Variants in PTK7 observed in about 807,000 individuals in gnomAD.
The protein encoded by PTK7 is inactive tyrosine-protein kinase 7.
PTK7 carries 39 observed loss-of-function variants against 116.6 expected under a neutral mutation model. The observed-to-expected ratio is 0.33, with a 90% CI of 0.26 to 0.44. PTK7 has a LOEUF of 0.44. PTK7 is among the 20% of genes least tolerant of loss of function. The pLI is 1.00. For missense variants in PTK7, 1,169 were observed against 1,425.6 expected, an observed-to-expected ratio of 0.82 and a Z score of 2.90; for synonymous variants, 546 against 563.6, an observed-to-expected ratio of 0.97 and a Z score of 0.44.
At chr6:43,086,562 G>T (rs920464667) in intron 1 of PTK7, among the ~76,000 whole-genome samples, 1 of 152,176 alleles carries the variant, frequency 6.6e-6, no homozygotes, top group Non-Finnish European at 1.5e-5. Context: ...AGTCGTGGGC[G>T]CAGTGGCTTA....
chr6:43,135,803 G>T (rs1429427166), intron 7 of PTK7, among the ~76,000 whole-genome samples: 1 of 152,230 alleles, frequency 6.6e-6, no homozygotes, highest in East Asian at 1.9e-4. Flanking sequence ...TCAAAACGTG[G>T]TGGCACTTTG....
chr6:43,119,902 C>T (rs999975451), intron 1 of PTK7, among the ~76,000 whole-genome samples: 2 of 152,176 alleles, frequency 1.3e-5, no homozygotes, highest in Non-Finnish European at 2.9e-5. Flanking sequence ...TCCAGGTCCT[C>T]CTTCCTGCAT....
intron 1 of PTK7, among the ~76,000 whole-genome samples, chr6:43,124,971 G>A (rs932856650): frequency 1.3e-5 from 2 of 152,136 alleles, no homozygotes; most frequent in African/African-American, 2.4e-5. Context: ...TTGGGAGTTC[G>A]AGACCAGCCT....
Position 43,145,628 on chromosome 6 carries a change from C to T in PTK7, c.2640+196C>T, listed in dbSNP as rs1770684778. ...TCCCTGCTCTTGGATGCCTGCTTTC[C>T]CTTTATCAGCACCCAGTCTTTCCAT... On this transcript the variant is annotated intron_variant, in intron 16 of 19. Transcript: ENST00000230419. This position sits in a 1 kb window ranked among gnomAD's most constrained non-coding sequence, Gnocchi z 4.8. 7.4e-6 allele frequency: 3 copies of T among 404,836 alleles called. No homozygotes were observed. The highest frequency in any genetic ancestry group is 3.7e-5 in the East Asian group (1 of 27,282). The allele number at this position is 404,836 out of a possible 1,614,324, so 25.1% of individuals were successfully genotyped here.
At chr6:43,117,806 G>A (rs1768647052) in intron 1 of PTK7, among the ~76,000 whole-genome samples, 1 of 151,922 alleles carries the variant, frequency 6.6e-6, no homozygotes, top group Non-Finnish European at 1.5e-5. Context: ...CATGGTGACG[G>A]GTGCCTGTAA....
At chr6:43,156,765 G>A (rs1727276756) in intron 17 of PTK7, among the ~76,000 whole-genome samples, 1 of 151,844 alleles carries the variant, frequency 6.6e-6, no homozygotes, top group Non-Finnish European at 1.5e-5. Flanking sequence ...GCGTGGTAGT[G>A]CGCGCCTGTA....
intron 7 of PTK7, 30 bp downstream of exon 7, chr6:43,132,717 G>A: frequency 6.4e-7 from 1 of 1,552,538 alleles, no homozygotes; most frequent in Non-Finnish European, 8.7e-7. Flanking sequence ...AGGTCAAGGA[G>A]AGGTGGAGGG....
At chr6:43,157,358 ATATATATTTTTTTTTTTCTTTTTTTT>A (rs1771537435) in intron 17 of PTK7, among the ~76,000 whole-genome samples, 1 of 3,752 alleles carries the variant, frequency 2.7e-4, no homozygotes, top group African/African-American at 6.8e-4. Flanking sequence ...ATATATATAT[ATATATATTTTTTTTTTTCTTTTTTTT>A]TTTTTTTTTT....
rs1275076245 is a variant in PTK7 at position 43,076,859 on chromosome 6, G to T, written c.79+292G>T. On this transcript the variant is annotated intron_variant, in intron 1 of 19. Coordinates refer to ENST00000230419, the MANE Select transcript of PTK7 (RefSeq NM_002821.5). The surrounding 1 kb of genome is among the most constrained non-coding windows in gnomAD (Gnocchi z 5.7). Reference sequence around the variant, plus strand: ...GCCGAGAGTTTGCTCGAGAACTGCCGAGAGTTGCTGGCTCTCGGGCCCAGA... The same window carrying T: ...GCCGAGAGTTTGCTCGAGAACTGCCTAGAGTTGCTGGCTCTCGGGCCCAGA... 1 of 1,470,440 alleles carries T rather than the reference G, an allele frequency of 6.8e-7. No homozygotes were observed. The highest frequency in any genetic ancestry group is 1.3e-5 in the South Asian group (1 of 78,674). 91.1% of individuals were successfully genotyped at this position (1,470,440 alleles called of 1,614,324 possible).
At chr6:43,107,397 T>C (rs1767956343) in intron 1 of PTK7, among the ~76,000 whole-genome samples, 1 of 152,256 alleles carries the variant, frequency 6.6e-6, no homozygotes, top group South Asian at 2.1e-4. Context: ...AGCTGTGTGA[T>C]GTTTAGCAAA....
chr6:43,122,595 G>A (rs1179064050), intron 1 of PTK7, among the ~76,000 whole-genome samples: 1 of 150,306 alleles, frequency 6.7e-6, no homozygotes, highest in Non-Finnish European at 1.5e-5. Flanking sequence ...CCGTGGAGCC[G>A]GGGACTGAAT....
At chr6:43,081,870 C>T (rs1056412417) in intron 1 of PTK7, among the ~76,000 whole-genome samples, 3 of 152,156 alleles carry the variant, frequency 2.0e-5, no homozygotes, top group East Asian at 1.9e-4. Context: ...TTCCTCCTTG[C>T]GCCTGCTCTA....
chr6:43,089,150 A>G (rs539846858), intron 1 of PTK7, among the ~76,000 whole-genome samples: 7 of 152,190 alleles, frequency 4.6e-5, no homozygotes, highest in Non-Finnish European at 1.0e-4. Flanking sequence ...AGGTTGGATC[A>G]TGACCTTGAC....
intron 7 of PTK7, among the ~76,000 whole-genome samples, chr6:43,137,849 C>T (rs1475695935): frequency 1.3e-5 from 2 of 152,102 alleles, no homozygotes; most frequent in East Asian, 1.9e-4. Context: ...CTCTTTCGCC[C>T]AGGCTGGAGT....
rs187424383 is a variant in PTK7, at chr6:43,160,582, C to G, written c.3053-139C>G. 8 of 1,071,030 alleles carry G rather than the reference C, an allele frequency of 7.5e-6. No individual in the cohort carries two copies. In the African/African-American group the frequency reaches 8.0e-5, roughly 11 times the overall value. The allele number at this position is 1,071,030 out of a possible 1,614,324, so 66.3% of individuals were successfully genotyped here. Reference sequence around the variant, plus strand: ...CCAGGGGAGTCATCTTTTTCCGTTGCGGGTACCCACCTGCCGCTGGCCAGC... The same window carrying G: ...CCAGGGGAGTCATCTTTTTCCGTTGGGGGTACCCACCTGCCGCTGGCCAGC... On this transcript the variant is annotated intron_variant, in intron 19 of 19. Transcript: ENST00000230419.
intron 1 of PTK7, among the ~76,000 whole-genome samples, chr6:43,090,089 C>T (rs1037019258): frequency 2.6e-5 from 4 of 152,182 alleles, no homozygotes; most frequent in Non-Finnish European, 4.4e-5. Flanking sequence ...CAATTTTAGG[C>T]GAGTCTCTAC....
At chr6:43,144,758 C>T (rs941463332) in intron 15 of PTK7, 152 bp downstream of exon 15, 7 of 940,098 alleles carry the variant, frequency 7.4e-6, no homozygotes, top group Non-Finnish European at 1.1e-5. Context: ...AGTGTGGCCC[C>T]AGAGCCTGTT....
At chr6:43,114,192 G>A (rs539197499) in intron 1 of PTK7, among the ~76,000 whole-genome samples, 83 of 152,314 alleles carry the variant, frequency 5.4e-4, no homozygotes, top group African/African-American at 1.8e-3. Context: ...CGTGTGTCAC[G>A]TGTGCGTGCT....
At position 43,144,436 on chromosome 6, in the gene PTK7, C is replaced by T; in HGVS notation, c.2252-15C>T. On this transcript the variant is annotated splice_polypyrimidine_tract_variant and intron_variant, in intron 14 of 19. Transcript: ENST00000230419. ...TCAGGTCTCATCGTGACGCTCTTGT[C>T]CTCCTCCTTCCCAGGTGGGCCTTTG... 2 of 1,614,058 alleles carry T rather than the reference C, an allele frequency of 1.2e-6. No homozygotes were observed. Among genetic ancestry groups the T allele is most frequent in the South Asian group, 1.1e-5 (1 of 91,074 alleles).
Sources: gnomAD v4.1 joint callset for allele counts (sites outside exome capture counted in the v4.1 genomes callset) on GRCh38, gnomAD v4.1.1 for gene constraint, Gnocchi (gnomAD v3.1) non-coding constraint, MANE v1.5 for transcripts, NCBI Gene and HGNC (gene_info 2026-07-23, HGNC 2026-07-21) for gene names.